BSG: variants seen among roughly 807,000 people sequenced by gnomAD.
BSG encodes basigin.
Under a neutral mutation model 43.1 loss-of-function variants are expected in BSG, and 37 were observed. The ratio of observed to expected loss-of-function variants is 0.86; its 90% CI spans 0.66 to 1.13. BSG has a LOEUF of 1.13. Among genes scored for constraint, BSG ranks in the 50% most tolerant of loss-of-function variants. The pLI is 0.00. For missense variants in BSG, 599 were observed against 554.2 expected (o/e 1.08, Z -0.81); for synonymous variants, 309 against 238.7 (o/e 1.29, Z -2.72).
At chr19:577,685 T>G in intron 1 of BSG, 89 bp from the exon 2 acceptor site, 1 of 1,133,222 alleles carries the variant, frequency 8.8e-7, no homozygotes, top group Admixed American at 3.8e-5. Flanking sequence ...CAGCCCTGGC[T>G]GGGAGTCCTG....
intron 1 of BSG, among the ~76,000 whole-genome samples, chr19:576,748 C>CAA (rs140723018): frequency 4.3e-4 from 52 of 122,278 alleles, no homozygotes; most frequent in African/African-American, 1.5e-3. Flanking sequence ...GACTCTGTCT[C>CAA]AAAAAAAAAA....
chr19:578,372 C>G (rs967284739), intron 2 of BSG, among the ~76,000 whole-genome samples: 2 of 152,266 alleles, frequency 1.3e-5, no homozygotes, highest in Admixed American at 6.5e-5. Context: ...TCGTCCTCCC[C>G]TCGACCCTCG....
chr19:574,589 T>C (rs953709101), intron 1 of BSG, among the ~76,000 whole-genome samples: 3 of 151,956 alleles, frequency 2.0e-5, no homozygotes, highest in African/African-American at 7.3e-5. Context: ...GTGACCGATG[T>C]GTTGGGAACA....
chr19:578,326 G>A, intron 2 of BSG: 1 of 476,804 alleles, frequency 2.1e-6, no homozygotes, highest in Non-Finnish European at 3.6e-6. Flanking sequence ...GCCTGGCTCG[G>A]GGCAGGCAGG....
At chr19:582,716 T>G (rs1290776617) in intron 8 of BSG, 34 bp from the exon 9 acceptor site, 3 of 996,138 alleles carry the variant, frequency 3.0e-6, no homozygotes, top group Non-Finnish European at 4.5e-6. Context: ...CGCTGGGAGG[T>G]GGGTCCAGTC....
At chr19:576,108 G>A (rs368584754) in intron 1 of BSG, among the ~76,000 whole-genome samples, 277 of 152,364 alleles carry the variant, frequency 1.8e-3, no homozygotes, top group African/African-American at 6.3e-3. Flanking sequence ...TGCAGATGGC[G>A]CCTGGGAGCC....
upstream of BSG, chr19:571,804 C>T: frequency 1.7e-6 from 1 of 584,212 alleles, no homozygotes; most frequent in Non-Finnish European, 3.1e-6. Flanking sequence ...GGGTTGGACG[C>T]CCACAATCTA....
Position 572,627 on chromosome 19 carries a change from T to C in BSG, c.-8T>C. The stretch of plus-strand genomic sequence containing the variant: ...TGGAGGTTGTAGGACCGGCGAGGAA[T>C]AGGAATCATGGCGGCTGCGCTGTTC... On this transcript the variant is annotated 5_prime_UTR_variant, in exon 1 of 9. Transcript: ENST00000333511. 1.3e-6 allele frequency: 2 copies of C among 1,500,714 alleles called. No individual in the cohort carries two copies. The highest frequency in any genetic ancestry group is 1.8e-6 in the Non-Finnish European group (2 of 1,122,812). 93.0% of individuals were successfully genotyped at this position (1,500,714 alleles called of 1,614,324 possible).
At chr19:578,188 C>G (rs1981954598) in intron 2 of BSG, 67 bp downstream of exon 2, 3 of 1,409,346 alleles carry the variant, frequency 2.1e-6, no homozygotes, top group Non-Finnish European at 2.8e-6. Context: ...CCTCCCGGCT[C>G]CTGCTCAGTA....
chr19:571,930 T>C (rs1232814846), upstream of BSG, among the ~76,000 whole-genome samples: 9 of 152,174 alleles, frequency 5.9e-5, no homozygotes, highest in East Asian at 1.7e-3. Flanking sequence ...GGAAGTTGAG[T>C]TTCTGAAGAG....
intron 1 of BSG, among the ~76,000 whole-genome samples, chr19:574,397 C>CA (rs1258192905): frequency 6.6e-6 from 1 of 151,810 alleles, no homozygotes; most frequent in African/African-American, 2.4e-5. Flanking sequence ...ACTAAAAATA[C>CA]AAAAAATTAG....
intron 1 of BSG, chr19:574,950 C>T (rs1482142963): frequency 1.3e-5 from 2 of 152,262 alleles, no homozygotes; most frequent in Non-Finnish European, 2.9e-5. Context: ...AAGCACAGCA[C>T]GAGGTTCCCA....
At chr19:574,057 C>T (rs1981535272) in intron 1 of BSG, among the ~76,000 whole-genome samples, 2 of 149,218 alleles carry the variant, frequency 1.3e-5, no homozygotes, top group African/African-American at 5.0e-5. Flanking sequence ...GAGTTCAAGA[C>T]CAGCCTGGCC....
In BSG at chr19:572,608, T is replaced by G. The variant is rs1255110714; in HGVS notation, c.-27T>G. The G allele has an allele frequency of 3.4e-6, 5 of 1,481,358 alleles. No individual in the cohort carries two copies. The highest frequency in any genetic ancestry group is 5.9e-5 in the East Asian group (2 of 34,032). The allele number at this position is 1,481,358 out of a possible 1,614,324, so 91.8% of individuals were successfully genotyped here. On this transcript the variant is annotated 5_prime_UTR_variant, in exon 1 of 9. Coordinates refer to ENST00000333511, the MANE Select transcript of BSG (RefSeq NM_001728.4). ...GGGCGGCGGCGGCAGCGGTTGGAGG[T>G]TGTAGGACCGGCGAGGAATAGGAAT... is the stretch of plus-strand genomic sequence containing the variant.
chr19:571,890 G>T (rs55996923), upstream of BSG: 152 of 424,030 alleles, frequency 3.6e-4, 1 homozygote, highest in East Asian at 6.0e-3. Flanking sequence ...AAAGAAGAAG[G>T]GGGTAAGGTT....
Position 581,517 on chromosome 19 carries a change from TG to T in BSG, c.997del (p.Ala333LeufsTer33), listed in dbSNP as rs1330546111. On this transcript the variant is annotated frameshift_variant, in exon 6 of 9. Transcript: ENST00000333511. LOFTEE classifies it high-confidence loss of function. Reference sequence around the variant, plus strand: ...GCCCTCTGGCCCTTCCTGGGCATCGTGGCTGAGGTGCTGGTGCTGGTCACCA... The same window carrying T: ...GCCCTCTGGCCCTTCCTGGGCATCGTGCTGAGGTGCTGGTGCTGGTCACCA... ...LAALWPFLGI[V>X]AEVLVLVTII... The T allele has an allele frequency of 6.3e-7, 1 of 1,596,780 alleles. No individual in the cohort carries two copies. Among genetic ancestry groups the T allele is most frequent in the Non-Finnish European group, 8.5e-7 (1 of 1,172,538 alleles).
chr19:571,479 G>A, upstream of BSG: 4 of 776,666 alleles, frequency 5.2e-6, no homozygotes, highest in South Asian at 1.3e-5. Context: ...TCCTACCCGC[G>A]TTGCTGAGAG....
At position 582,532 on chromosome 19, in the gene BSG, C is replaced by A. The variant is rs746647318; in HGVS notation, c.1113C>A (p.His371Gln). ...GCCCCAGGAAGAGCAGCGGGCAGCA[C>A]CAGAATGACAAAGGCAAGAACGTCC... ...GSAPLKSSGQ[H>Q]QNDKGKNVRQ... is the part of the protein sequence containing the mutation. Residue 371 changes from histidine to glutamine, a missense_variant, in exon 8 of 9, where the codon CAC (histidine) becomes CAA (glutamine). Transcript: ENST00000333511. 3 of 1,605,190 alleles carry A rather than the reference C, an allele frequency of 1.9e-6. No individual in the cohort carries two copies. Among genetic ancestry groups the A allele is most frequent in the Non-Finnish European group, 2.5e-6 (3 of 1,177,490 alleles).
rs767247412 is a variant in BSG at position 580,404 on chromosome 19, G to A, written c.598G>A (p.Glu200Lys). ...GGTGGACTCCGACGACCAGTGGGGA[G>A]AGTACTCCTGCGTCTTCCTCCCCGA... ...FKVDSDDQWGEYSCVFLPEPM... is the reference protein window; with the variant it reads ...FKVDSDDQWGKYSCVFLPEPM... Residue 200 changes from glutamate (E) to lysine (K), a missense_variant, in exon 4 of 9, where the codon GAG becomes AAG. Coordinates refer to ENST00000333511, the MANE Select transcript of BSG (RefSeq NM_001728.4). 6.2e-7 allele frequency: 1 copy of A among 1,611,376 alleles called. No homozygotes were observed. Among genetic ancestry groups the A allele is most frequent in the Admixed American group, 1.7e-5 (1 of 60,022 alleles).
Sources: gnomAD v4.1 joint callset for allele counts (sites outside exome capture counted in the v4.1 genomes callset) on GRCh38, gnomAD v4.1.1 for gene constraint, MANE v1.5 for transcripts, NCBI Gene and HGNC (gene_info 2026-07-23, HGNC 2026-07-21) for gene names.